The following SYNDIG1 variants were observed in gnomAD, a reference collection of about 807,000 sequenced individuals.
SYNDIG1 encodes synapse differentiation inducing 1.
A neutral mutation model predicts 19.4 loss-of-function variants in SYNDIG1; 9 were observed. The observed-to-expected ratio is 0.46, with a 90% CI of 0.28 to 0.81. The LOEUF (loss-of-function observed/expected upper bound fraction) is 0.81, where lower values mean the gene tolerates loss of function less well. SYNDIG1 is among the 30% of genes least tolerant of loss of function. The pLI is 0.12. For missense variants in SYNDIG1, 311 were observed against 343.3 expected (o/e 0.91, Z 0.74); for synonymous variants, 141 against 145.9 (o/e 0.97, Z 0.24).
intron 1 of SYNDIG1, among the ~76,000 whole-genome samples, chr20:24,516,592 G>T (rs1316802256): frequency 6.6e-6 from 1 of 152,202 alleles, no homozygotes; most frequent in Non-Finnish European, 1.5e-5. Flanking sequence ...GGCCATCAGA[G>T]AAATACAAAT....
chr20:24,551,859 C>G (rs866009855), intron 2 of SYNDIG1, among the ~76,000 whole-genome samples: 1 of 152,032 alleles, frequency 6.6e-6, no homozygotes, highest in African/African-American at 2.4e-5. Context: ...TGTATAATTT[C>G]TCTTTTAAAT....
At chr20:24,569,498 A>G (rs1294908219) in intron 2 of SYNDIG1, among the ~76,000 whole-genome samples, 1 of 152,192 alleles carries the variant, frequency 6.6e-6, no homozygotes, top group Non-Finnish European at 1.5e-5. Context: ...GCCCACCCCA[A>G]GGACATTGGT....
chr20:24,470,958 T>A (rs550452171), intron 1 of SYNDIG1, among the ~76,000 whole-genome samples: 1 of 131,382 alleles, frequency 7.6e-6, no homozygotes, highest in African/African-American at 2.8e-5. Context: ...CTTGGCTGAT[T>A]GGGGGTGTCG....
intron 3 of SYNDIG1, among the ~76,000 whole-genome samples, chr20:24,626,823 C>G (rs1317624886): frequency 6.6e-6 from 1 of 152,242 alleles, no homozygotes; most frequent in Non-Finnish European, 1.5e-5. Flanking sequence ...TCTGCAATCC[C>G]GGCACCTCGG....
chr20:24,662,524 C>T (rs1270351396), intron 3 of SYNDIG1, among the ~76,000 whole-genome samples: 4 of 152,120 alleles, frequency 2.6e-5, no homozygotes, highest in African/African-American at 4.8e-5. Flanking sequence ...CTGCTTCCTG[C>T]GTTCTCAATG....
intron 1 of SYNDIG1, among the ~76,000 whole-genome samples, chr20:24,492,445 C>G (rs1600422674): frequency 6.6e-6 from 1 of 152,328 alleles, no homozygotes; most frequent in East Asian, 1.9e-4. Flanking sequence ...CTTTGGTAAA[C>G]ATCCAAGTTT....
intron 3 of SYNDIG1, among the ~76,000 whole-genome samples, chr20:24,636,565 A>G (rs1188349901): frequency 1.3e-5 from 2 of 152,196 alleles, no homozygotes; most frequent in Non-Finnish European, 2.9e-5. Flanking sequence ...ATGTTTTACT[A>G]TGCAGATGGG....
rs529251782 is a variant in SYNDIG1 at position 24,652,260 on chromosome 20, A to G, written c.619-13086A>G. ...TAACAAGCTGAGGCTCCCCCCAGCA[A>G]GTGAGATGCAAGGTGAGGCCAAAGA... is the stretch of plus-strand genomic sequence containing the variant. On this transcript the variant is annotated intron_variant, in intron 3 of 3. Coordinates refer to ENST00000376862, the MANE Select transcript of SYNDIG1 (RefSeq NM_024893.3). Among the ~76,000 whole-genome samples the G allele has an allele frequency of 7.2e-5, 11 of 152,352 alleles. No individual in the cohort carries two copies. The South Asian group carries it at 2.1e-3, about 29-fold the overall frequency.
chr20:24,512,688 C>G (rs999718385), intron 1 of SYNDIG1, among the ~76,000 whole-genome samples: 1 of 152,174 alleles, frequency 6.6e-6, no homozygotes, highest in Non-Finnish European at 1.5e-5. Context: ...TCTGTAGACT[C>G]CACCTCCGGG....
intron 1 of SYNDIG1, among the ~76,000 whole-genome samples, chr20:24,498,897 C>T (rs1274684117): frequency 6.6e-6 from 1 of 152,162 alleles, no homozygotes; most frequent in African/African-American, 2.4e-5. Flanking sequence ...CATCCAGATG[C>T]ACAACCAGAA....
intron 1 of SYNDIG1, among the ~76,000 whole-genome samples, chr20:24,541,649 G>A (rs911387450): frequency 6.6e-6 from 1 of 152,206 alleles, no homozygotes; most frequent in African/African-American, 2.4e-5. Context: ...CCCAGAAAGT[G>A]TTTGGTCAAG....
Position 24,665,624 on chromosome 20 carries a change from G to C in SYNDIG1, c.*120G>C. The C allele has an allele frequency of 1.4e-6, 2 of 1,403,482 alleles. No homozygotes were observed. Among genetic ancestry groups the C allele is most frequent in the Non-Finnish European group, 1.9e-6 (2 of 1,032,812 alleles). 86.9% of individuals were successfully genotyped at this position (1,403,482 alleles called of 1,614,324 possible). ...TGCCAAATGATGCCACGAAGCCCTG[G>C]GATTTCCTACCCATGGATTTATTTT... On this transcript the variant is annotated 3_prime_UTR_variant, in exon 4 of 4. Coordinates refer to ENST00000376862, the MANE Select transcript of SYNDIG1 (RefSeq NM_024893.3).
intron 3 of SYNDIG1, among the ~76,000 whole-genome samples, chr20:24,592,677 G>C (rs1344795168): frequency 6.6e-6 from 1 of 152,152 alleles, no homozygotes; most frequent in Non-Finnish European, 1.5e-5. Flanking sequence ...GCAGCGGCAC[G>C]ATCATGGCTC....
intron 3 of SYNDIG1, among the ~76,000 whole-genome samples, chr20:24,665,137 G>C (rs1004879264): frequency 3.3e-5 from 5 of 152,090 alleles, no homozygotes; most frequent in Admixed American, 6.5e-5. Context: ...CCTGCGGTGT[G>C]GGGGAGCAGC....
At chr20:24,482,462 C>T (rs1284982514) in intron 1 of SYNDIG1, among the ~76,000 whole-genome samples, 1 of 152,224 alleles carries the variant, frequency 6.6e-6, no homozygotes, top group Non-Finnish European at 1.5e-5. Flanking sequence ...ATTCCAGTTG[C>T]TCAGTAAAGG....
intron 1 of SYNDIG1, among the ~76,000 whole-genome samples, chr20:24,517,400 G>A (rs1052545728): frequency 1.3e-5 from 2 of 150,674 alleles, no homozygotes; most frequent in Non-Finnish European, 3.0e-5. Flanking sequence ...CAGATCACAA[G>A]GTCAGGAGAT....
chr20:24,649,396 G>A (rs914531204), intron 3 of SYNDIG1, among the ~76,000 whole-genome samples: 1 of 152,084 alleles, frequency 6.6e-6, no homozygotes, highest in Non-Finnish European at 1.5e-5. Flanking sequence ...CCTTAGCAAC[G>A]ATCTTTGTGT....
chr20:24,618,414 C>T (rs2058982915), intron 3 of SYNDIG1, among the ~76,000 whole-genome samples: 1 of 151,996 alleles, frequency 6.6e-6, no homozygotes, highest in Admixed American at 6.5e-5. Context: ...GGTTCTCTAC[C>T]ATCTCTGGGA....
chr20:24,630,438 C>A (rs1186240354), intron 3 of SYNDIG1, among the ~76,000 whole-genome samples: 1 of 152,176 alleles, frequency 6.6e-6, no homozygotes, highest in African/African-American at 2.4e-5. Context: ...GAGAAATGAA[C>A]TCAGAAATGT....
Sources: gnomAD v4.1 joint callset for allele counts (sites outside exome capture counted in the v4.1 genomes callset) on GRCh38, gnomAD v4.1.1 for gene constraint, MANE v1.5 for transcripts, NCBI Gene and HGNC (gene_info 2026-07-23, HGNC 2026-07-21) for gene names.